The following KIZ variants were observed in gnomAD, a reference collection of about 807,000 sequenced individuals.
KIZ encodes centrosomal protein kizuna.
Under a neutral mutation model 79.6 loss-of-function variants are expected in KIZ, and 68 were observed. The observed-to-expected ratio is 0.85, with a 90% CI of 0.70 to 1.05. The LOEUF is 1.05. Ranked by LOEUF, KIZ falls within the 50% of genes least tolerant of loss-of-function variation. The pLI is 0.00. For synonymous variants in KIZ, 280 were observed against 281.8 expected (o/e 0.99, Z 0.06); for missense variants, 797 against 800.4 (o/e 1.00, Z 0.05).
chr20:21,143,257 C>T (rs1414801409), intron 3 of KIZ, among the ~76,000 whole-genome samples: 1 of 152,096 alleles, frequency 6.6e-6, no homozygotes, highest in East Asian at 1.9e-4. Flanking sequence ...AGATTTTAAA[C>T]GTCGATTCAG....
intron 6 of KIZ, among the ~76,000 whole-genome samples, chr20:21,201,379 G>A (rs1254170937): frequency 6.6e-6 from 1 of 152,090 alleles, no homozygotes; most frequent in East Asian, 1.9e-4. Flanking sequence ...AACATAATGA[G>A]ACTATCCATT....
chr20:21,231,203 C>A (rs1381294219), intron 10 of KIZ, among the ~76,000 whole-genome samples: 8 of 151,988 alleles, frequency 5.3e-5, no homozygotes, highest in Non-Finnish European at 7.4e-5. Flanking sequence ...TGGTGACAGG[C>A]GCCTCAGCTA....
chr20:21,193,896 C>T (rs1304041103), intron 6 of KIZ: 1 of 150,408 alleles, frequency 6.6e-6, no homozygotes, highest in African/African-American at 2.4e-5. Context: ...AGGAGATATA[C>T]CTAATGCTAA....
At chr20:21,237,608 A>G (rs754823144) in intron 11 of KIZ, among the ~76,000 whole-genome samples, 13 of 152,114 alleles carry the variant, frequency 8.5e-5, no homozygotes, top group Non-Finnish European at 1.5e-4. Flanking sequence ...CCACTATTTC[A>G]TGTCCCTGGA....
chr20:21,204,835 A>G (rs1032485458), intron 6 of KIZ, among the ~76,000 whole-genome samples: 1 of 152,248 alleles, frequency 6.6e-6, no homozygotes, highest in African/African-American at 2.4e-5. Context: ...AGACCATGGT[A>G]AGAGTGTAAC....
At chr20:21,131,567 T>C (rs1281900935) in intron 1 of KIZ, among the ~76,000 whole-genome samples, 1 of 152,166 alleles carries the variant, frequency 6.6e-6, no homozygotes, top group Admixed American at 6.6e-5. Context: ...TGGGACCCCA[T>C]CACCGAAATG....
intron 8 of KIZ, 54 bp from the exon 9 acceptor site, chr20:21,215,529 G>A (rs545298306): frequency 1.3e-4 from 135 of 1,044,122 alleles, no homozygotes; most frequent in Non-Finnish European, 1.7e-4. Context: ...ACACCCAAAG[G>A]ATCTATTCCT....
At chr20:21,139,130 A>G (rs2032374633) in intron 3 of KIZ, 1 of 142,362 alleles carries the variant, frequency 7.0e-6, no homozygotes, top group African/African-American at 2.6e-5. Context: ...ATTTACTAGT[A>G]TGTTATCAAT....
At chr20:21,230,809 C>T (rs566041833) in intron 10 of KIZ, among the ~76,000 whole-genome samples, 12 of 152,336 alleles carry the variant, frequency 7.9e-5, no homozygotes, top group Non-Finnish European at 1.5e-4. Flanking sequence ...AAACTCTTAA[C>T]TGTTTGCTTT....
At chr20:21,240,824 G>A (rs545139362) in intron 11 of KIZ, among the ~76,000 whole-genome samples, 2 of 152,220 alleles carry the variant, frequency 1.3e-5, no homozygotes, top group Admixed American at 6.5e-5. Context: ...GTGTCTATAC[G>A]TGAAGTTTAA....
intron 6 of KIZ, among the ~76,000 whole-genome samples, chr20:21,174,600 T>C (rs1292685590): frequency 6.6e-6 from 1 of 152,234 alleles, no homozygotes; most frequent in Non-Finnish European, 1.5e-5. Context: ...CAACCTCAAA[T>C]AGGCCAATGA....
intron 6 of KIZ, among the ~76,000 whole-genome samples, chr20:21,179,063 T>G (rs1323804287): frequency 6.6e-6 from 1 of 152,106 alleles, no homozygotes; most frequent in Non-Finnish European, 1.5e-5. Context: ...GGGTTTGGCA[T>G]CAGGGTAATG....
At chr20:21,211,166 TTC>T (rs1016171176) in intron 7 of KIZ, among the ~76,000 whole-genome samples, 24 of 152,318 alleles carry the variant, frequency 1.6e-4, no homozygotes, top group African/African-American at 5.8e-4. Flanking sequence ...ATTCTTGGGG[TTC>T]TAGATAGAGC....
At chr20:21,240,460 A>G (rs1469317565) in intron 11 of KIZ, among the ~76,000 whole-genome samples, 1 of 152,202 alleles carries the variant, frequency 6.6e-6, no homozygotes, top group Non-Finnish European at 1.5e-5. Context: ...GTTATATTTT[A>G]ATTTACTCAG....
intron 6 of KIZ, among the ~76,000 whole-genome samples, chr20:21,164,799 T>C (rs773091513): frequency 1.3e-5 from 2 of 152,008 alleles, no homozygotes; most frequent in Non-Finnish European, 2.9e-5. Flanking sequence ...TTGGAAAATA[T>C]GGGCATGTGG....
At chr20:21,198,525 A>G (rs1321483198) in intron 6 of KIZ, 1 of 152,248 alleles carries the variant, frequency 6.6e-6, no homozygotes, top group Non-Finnish European at 1.5e-5. Flanking sequence ...AGCCTACAAC[A>G]TAGTGCTGTT....
At chr20:21,192,310 G>A (rs545439035) in intron 6 of KIZ, among the ~76,000 whole-genome samples, 2 of 145,050 alleles carry the variant, frequency 1.4e-5, no homozygotes, top group African/African-American at 2.5e-5. Context: ...TTGCGGGGGA[G>A]GGTGTTATTT....
intron 6 of KIZ, among the ~76,000 whole-genome samples, chr20:21,182,695 G>T (rs547650551): frequency 6.6e-6 from 1 of 151,402 alleles, no homozygotes; most frequent in East Asian, 1.9e-4. Context: ...TACTCGGGAG[G>T]CTGAGGCATG....
Position 21,205,536 on chromosome 20 carries a change from T to C in KIZ, c.1398T>C (p.Gly466=). 6.4e-7 allele frequency: 1 copy of C among 1,573,530 alleles called. No individual in the cohort carries two copies. ...CAGACGTACCGAGGGCACAGGTGGG[T>C]CAGCATGTTGCCACCTTGAAAGAAC... ...PDSDVPRAQV[G]QHVATLKEHD... The change falls in exon 7 of 13, where the codon GGT becomes GGC. Residue 466 remains glycine (G), a synonymous_variant. Transcript: ENST00000619189.
Sources: allele counts gnomAD v4.1 joint callset (sites outside exome capture counted in the v4.1 genomes callset), GRCh38; gene constraint gnomAD v4.1.1; transcripts MANE v1.5; gene names NCBI Gene and HGNC (gene_info 2026-07-23, HGNC 2026-07-21).